TNIP1: variants seen among roughly 807,000 people sequenced by gnomAD.
TNIP1 encodes the protein TNFAIP3 interacting protein 1, also known as TNFAIP3-interacting protein 1.
In TNIP1, 22 loss-of-function variants were observed where a neutral mutation model predicts 86.6. The ratio of observed to expected loss-of-function variants is 0.25; its 90% CI spans 0.18 to 0.36. TNIP1 has a LOEUF of 0.36. Among genes scored for constraint, TNIP1 ranks in the 10% least tolerant of loss-of-function variants. TNIP1 has a pLI of 1.00. For missense variants in TNIP1, 709 were observed against 820.6 expected, an observed-to-expected ratio of 0.86 and a Z score of 1.66; for synonymous variants, 294 against 313.0, an observed-to-expected ratio of 0.94 and a Z score of 0.64.
chr5:151,057,650 G>A (rs1406609532), intron 5 of TNIP1, among the ~76,000 whole-genome samples: 7 of 152,204 alleles, frequency 4.6e-5, no homozygotes. Context: ...CAGGGAGTCG[G>A]AGGTTGCAGT....
At chr5:151,049,143 TG>T (rs780342846) in intron 8 of TNIP1, among the ~76,000 whole-genome samples, 4 of 152,240 alleles carry the variant, frequency 2.6e-5, no homozygotes, top group Non-Finnish European at 4.4e-5. Context: ...TGAGCCCTAC[TG>T]TTCAGCTATT....
rs545058123 is a variant in TNIP1, at chr5:151,066,936, G to A, written c.-36-1805C>T. Among the ~76,000 whole-genome samples, 182 of 152,268 alleles carry A rather than the reference G, an allele frequency of 1.2e-3. 1 individual carries two copies. The highest frequency in any genetic ancestry group is 3.5e-3 in the African/African-American group (144 of 41,556). ...CAGTTTCCCTTGCCCTGCAGCATAA[G>A]AACCAATAAGGACTTGTCCAAGAGC... On this transcript the variant is annotated intron_variant, in intron 1 of 17. Coordinates refer to ENST00000521591, the MANE Select transcript of TNIP1 (RefSeq NM_006058.5).
At position 151,076,843 on chromosome 5, in the gene TNIP1, T is replaced by C. The variant is rs141969509; in HGVS notation, c.-37+4037A>G. 2.5e-3 allele frequency among the ~76,000 whole-genome samples: 381 copies of C among 152,218 alleles called. 1 individual carries two copies. Among genetic ancestry groups the C allele is most frequent in the African/African-American group, 8.7e-3 (361 of 41,532 alleles). ...GTCACGCAGAGGGGCACTGGGGCTG[T>C]TGAGGGAATGCAAGCCAGGTGTCTT... On this transcript the variant is annotated intron_variant, in intron 1 of 17. Transcript: ENST00000521591.
intron 6 of TNIP1, among the ~76,000 whole-genome samples, chr5:151,056,213 CA>C (rs763207347): frequency 1.3e-5 from 2 of 152,186 alleles, no homozygotes; most frequent in Admixed American, 1.3e-4. Flanking sequence ...CCTGGCCTAG[CA>C]AGGAAATCTG....
At chr5:151,073,764 G>A (rs1227074512) in intron 1 of TNIP1, among the ~76,000 whole-genome samples, 1 of 152,138 alleles carries the variant, frequency 6.6e-6, no homozygotes, top group Non-Finnish European at 1.5e-5. Flanking sequence ...GCAGAGCATG[G>A]TGGCACATGC....
At chr5:151,084,051 G>C (rs1561554387), upstream of TNIP1, among the ~76,000 whole-genome samples, 1 of 152,198 alleles carries the variant, frequency 6.6e-6, no homozygotes, top group Non-Finnish European at 1.5e-5. Context: ...GAAGATCCAG[G>C]CTCTTAAACG....
intron 3 of TNIP1, 116 bp downstream of exon 3, chr5:151,063,497 T>C: frequency 6.9e-7 from 1 of 1,450,506 alleles, no homozygotes; most frequent in Non-Finnish European, 9.4e-7. Flanking sequence ...GGGTAGCCTG[T>C]GACCTAAGGA....
intron 5 of TNIP1, among the ~76,000 whole-genome samples, chr5:151,059,295 G>C (rs746000164): frequency 6.6e-6 from 1 of 152,228 alleles, no homozygotes; most frequent in Non-Finnish European, 1.5e-5. Flanking sequence ...GGACAGAACA[G>C]GACAAGGGGA....
chr5:151,051,482 C>G (rs534462054), intron 7 of TNIP1, among the ~76,000 whole-genome samples: 1 of 152,290 alleles, frequency 6.6e-6, no homozygotes, highest in South Asian at 2.1e-4. Flanking sequence ...TTGTAAGACT[C>G]CAATCAAGTC....
At chr5:151,047,946 C>T (rs59596158) in intron 8 of TNIP1, among the ~76,000 whole-genome samples, 2,615 of 152,202 alleles carry the variant, frequency 0.017, 74 homozygotes, top group African/African-American at 0.059. Context: ...CTCTTTCCAG[C>T]GTTCTCTTTC....
intron 11 of TNIP1, among the ~76,000 whole-genome samples, chr5:151,040,401 T>C (rs56661379): frequency 0.085 from 12,911 of 152,248 alleles, 1,019 homozygotes; most frequent in East Asian, 0.42. Flanking sequence ...CAGTACGGAC[T>C]GCAGAGGGCA....
At chr5:151,084,479 C>T (rs1381774120), upstream of TNIP1, among the ~76,000 whole-genome samples, 3 of 151,402 alleles carry the variant, frequency 2.0e-5, no homozygotes, top group East Asian at 5.8e-4. Flanking sequence ...AAATGATCAA[C>T]CCAGTCTTTT....
intron 4 of TNIP1, 115 bp from the exon 5 acceptor site, chr5:151,060,510 AG>A (rs1429820137): frequency 5.9e-6 from 5 of 842,188 alleles, no homozygotes; most frequent in Admixed American, 2.0e-5. Flanking sequence ...TTGAGTACAC[AG>A]GGACCGTTAC....
At chr5:151,058,947 T>C (rs917769542) in intron 5 of TNIP1, among the ~76,000 whole-genome samples, 3 of 152,226 alleles carry the variant, frequency 2.0e-5, no homozygotes, top group Non-Finnish European at 4.4e-5. Flanking sequence ...ACCTGTGTAA[T>C]GGCGTCAGTG....
chr5:151,034,978 G>C lies in TNIP1; in HGVS notation c.1587+24C>G, dbSNP rs749633821. 45 of 1,613,332 alleles carry C rather than the reference G, an allele frequency of 2.8e-5. No homozygotes were observed. In the East Asian group the frequency reaches 8.7e-4, roughly 31 times the overall value. ...AGGAAGGTAAGAGGATGTCAGTGCT[G>C]CTACCTCCCTCAAGCCTCCTCACCT... On this transcript the variant is annotated intron_variant, in intron 15 of 17. Transcript: ENST00000521591.
upstream of TNIP1, among the ~76,000 whole-genome samples, chr5:151,085,169 G>A (rs1176520393): frequency 1.3e-5 from 2 of 152,222 alleles, no homozygotes; most frequent in African/African-American, 2.4e-5. Flanking sequence ...AGGATAAGGT[G>A]TGGGTTCTGG....
intron 8 of TNIP1, among the ~76,000 whole-genome samples, chr5:151,049,089 G>A (rs1022898155): frequency 7.9e-5 from 12 of 152,252 alleles, no homozygotes; most frequent in South Asian, 2.1e-4. Context: ...AAGCCATTAC[G>A]GTAATTGCTA....
chr5:151,041,778 A>G (rs1356868879), intron 11 of TNIP1, among the ~76,000 whole-genome samples: 1 of 152,206 alleles, frequency 6.6e-6, no homozygotes, highest in Non-Finnish European at 1.5e-5. Context: ...TCTATGCCAA[A>G]GCACAATGCC....
chr5:151,059,828 AGTGTGT>A (rs760868810), intron 5 of TNIP1, among the ~76,000 whole-genome samples: 94 of 56,368 alleles, frequency 1.7e-3, no homozygotes, highest in African/African-American at 7.0e-3. Context: ...AGAGAGAGAG[AGTGTGT>A]GTGTGTGTGT....
Sources: allele counts gnomAD v4.1 joint callset (sites outside exome capture counted in the v4.1 genomes callset), GRCh38; gene constraint gnomAD v4.1.1; transcripts MANE v1.5; gene names NCBI Gene and HGNC (gene_info 2026-07-23, HGNC 2026-07-21).